PRKAR1A: variants seen among roughly 807,000 people sequenced by gnomAD.
The protein encoded by PRKAR1A is protein kinase cAMP-dependent type I regulatory subunit alpha, also known as cAMP-dependent protein kinase type I-alpha regulatory subunit.
In PRKAR1A, 3 loss-of-function variants were observed where a neutral mutation model predicts 52.0. The observed-to-expected ratio is 0.06, with a 90% CI of 0.03 to 0.15. PRKAR1A has a LOEUF of 0.15. Ranked by LOEUF, PRKAR1A falls within the 10% of genes least tolerant of loss-of-function variation. The pLI is 1.00. For synonymous variants in PRKAR1A, 188 were observed against 168.4 expected (o/e 1.12, Z -0.90); for missense variants, 240 against 477.4 (o/e 0.50, Z 4.63).
At chr17:68,528,606 C>T in intron 8 of PRKAR1A, 1 of 481,304 alleles carries the variant, frequency 2.1e-6, no homozygotes, top group Non-Finnish European at 3.7e-6. Flanking sequence ...ATTACATTTT[C>T]TTATTCCCTT....
chr17:68,415,000 C>G, the PRKAR1A span, among the ~76,000 whole-genome samples: 47 of 152,124 alleles, frequency 3.1e-4, 1 homozygote, highest in Non-Finnish European at 6.8e-4. Flanking sequence ...TTTCATTTAT[C>G]TTTTTTATTT....
At chr17:68,465,099 T>G in the PRKAR1A span, among the ~76,000 whole-genome samples, 1 of 151,808 alleles carries the variant, frequency 6.6e-6, no homozygotes, top group East Asian at 1.9e-4. Context: ...CTAATTTTTT[T>G]TTTTTTGTAT....
chr17:68,478,471 C>A, the PRKAR1A span, among the ~76,000 whole-genome samples: 694 of 152,030 alleles, frequency 4.6e-3, 34 homozygotes, highest in South Asian at 0.09. Context: ...ACAACAACAA[C>A]AAAAAACAAA....
chr17:68,419,944 G>C, the PRKAR1A span, among the ~76,000 whole-genome samples: 1 of 152,114 alleles, frequency 6.6e-6, no homozygotes, highest in Admixed American at 6.6e-5. Flanking sequence ...GGGCAACGAA[G>C]CCAGACCCTG....
At chr17:68,523,095 G>A (rs2085669553) in intron 3 of PRKAR1A, among the ~76,000 whole-genome samples, 169 bp downstream of exon 3, 1 of 152,128 alleles carries the variant, frequency 6.6e-6, no homozygotes, top group Non-Finnish European at 1.5e-5. Context: ...TGCTGTCAGA[G>A]GAAATAACTA....
At chr17:68,470,588 A>G in the PRKAR1A span, among the ~76,000 whole-genome samples, 2 of 152,210 alleles carry the variant, frequency 1.3e-5, no homozygotes, top group African/African-American at 4.8e-5. Context: ...ATACATTTGC[A>G]TTCCTCAAAT....
chr17:68,451,167 C>T, the PRKAR1A span, among the ~76,000 whole-genome samples: 8 of 152,348 alleles, frequency 5.3e-5, no homozygotes, highest in East Asian at 7.7e-4. Context: ...TGGCGGCTCA[C>T]GCCTAGTAAT....
At position 68,539,236 on chromosome 17, in the gene PRKAR1A, C is replaced by G; in HGVS notation, c.973+9235C>G. ...TCATGTCATTCTACCCACTTACGTC[C>G]TGGACCAGTGAAAACTGGAAGCCCT... is the stretch of plus-strand genomic sequence containing the variant. On this transcript the variant is annotated intron_variant, in intron 11 of 11. Transcript: ENST00000585981. The G allele has an allele frequency of 2.7e-6, 3 of 1,129,228 alleles. 1 individual carries two copies. The highest frequency in any genetic ancestry group is 1.3e-5 in the South Asian group (1 of 79,198). The allele number at this position is 1,129,228 out of a possible 1,614,324, so 70.0% of individuals were successfully genotyped here. A position where few individuals can be genotyped will look rare whatever the true frequency, so the allele number is the denominator to read the frequency against.
the PRKAR1A span, among the ~76,000 whole-genome samples, chr17:68,427,996 T>TC: frequency 6.6e-6 from 1 of 152,184 alleles, no homozygotes; most frequent in South Asian, 2.1e-4. Flanking sequence ...GCTCAGGTGA[T>TC]CCCCCCACCT....
At chr17:68,520,388 AT>A (rs1028949879) in intron 2 of PRKAR1A, among the ~76,000 whole-genome samples, 14 of 152,194 alleles carry the variant, frequency 9.2e-5, no homozygotes, top group Admixed American at 6.5e-4. Context: ...GCAAAACCGA[AT>A]GCAGAATTTG....
At chr17:68,485,819 GC>G in the PRKAR1A span, among the ~76,000 whole-genome samples, 1 of 152,022 alleles carries the variant, frequency 6.6e-6, no homozygotes, top group African/African-American at 2.4e-5. Context: ...GCTCACTGCA[GC>G]CTCCACCCCC....
chr17:68,426,199 A>C, the PRKAR1A span: 2 of 1,510,532 alleles, frequency 1.3e-6, no homozygotes, highest in Non-Finnish European at 1.8e-6. Flanking sequence ...AAGAGACATG[A>C]AACAAGCACT....
chr17:68,433,798 TG>T, the PRKAR1A span, among the ~76,000 whole-genome samples: 2 of 96,534 alleles, frequency 2.1e-5, no homozygotes, highest in African/African-American at 8.6e-5. Flanking sequence ...TTTTTTTTTT[TG>T]AGACAGAGTC....
Position 68,533,086 on chromosome 17 carries a change from G to A in PRKAR1A, c.*2637G>A. On this transcript the variant is annotated 3_prime_UTR_variant, in exon 11 of 11. Transcript: ENST00000589228. ...CCTTGGAACTTTCCCAGACTTAATG[G>A]GGAAACATCATTTCTAGATTAGCAT... The A allele has an allele frequency of 9.4e-7, 1 of 1,065,360 alleles. No homozygotes were observed. Among genetic ancestry groups the A allele is most frequent in the East Asian group, 5.0e-5 (1 of 20,036 alleles). The allele number at this position is 1,065,360 out of a possible 1,614,324, so 66.0% of individuals were successfully genotyped here. A position where few individuals can be genotyped will look rare whatever the true frequency, so the allele number is the denominator to read the frequency against.
chr17:68,515,662 G>T (rs1330807435), intron 2 of PRKAR1A, 86 bp downstream of exon 2: 40 of 1,437,978 alleles, frequency 2.8e-5, no homozygotes, highest in Non-Finnish European at 3.6e-5. Context: ...GTATTTTTTG[G>T]AAGAAAAGGA....
downstream of PRKAR1A, among the ~76,000 whole-genome samples, chr17:68,534,327 A>G (rs984277877): frequency 6.6e-6 from 1 of 152,192 alleles, no homozygotes; most frequent in Non-Finnish European, 1.5e-5. Context: ...CGTTAATCTC[A>G]AATGAGTTAA....
chr17:68,510,182 A>C (rs2085245659), upstream of PRKAR1A, among the ~76,000 whole-genome samples: 1 of 151,588 alleles, frequency 6.6e-6, no homozygotes, highest in Admixed American at 6.6e-5. Flanking sequence ...AGAGAGAGAG[A>C]GAGAGAGAGA....
At chr17:68,473,810 C>A in the PRKAR1A span, among the ~76,000 whole-genome samples, 1 of 152,116 alleles carries the variant, frequency 6.6e-6, no homozygotes, top group Non-Finnish European at 1.5e-5. Flanking sequence ...CGTGAACCAC[C>A]GCATCTGGCC....
the PRKAR1A span, among the ~76,000 whole-genome samples, chr17:68,499,959 C>T: frequency 6.6e-6 from 1 of 152,208 alleles, no homozygotes; most frequent in Non-Finnish European, 1.5e-5. Context: ...ACTAACAGGT[C>T]ACTTCCTAAT....
Sources: allele counts gnomAD v4.1 joint callset (sites outside exome capture counted in the v4.1 genomes callset), GRCh38; gene constraint gnomAD v4.1.1; transcripts MANE v1.5; gene names NCBI Gene and HGNC (gene_info 2026-07-23, HGNC 2026-07-21).